The following HAT1 variants were observed in gnomAD, a reference collection of about 807,000 sequenced individuals.
The protein encoded by HAT1 is histone acetyltransferase 1, also known as histone acetyltransferase type B catalytic subunit.
A neutral mutation model predicts 56.6 loss-of-function variants in HAT1; 20 were observed. That is an observed-to-expected ratio of 0.35 (90% CI 0.25 to 0.51). The LOEUF (loss-of-function observed/expected upper bound fraction) is 0.51. HAT1 is among the 20% of genes least tolerant of loss of function. The pLI is 0.95. For missense variants in HAT1, 408 were observed against 504.3 expected, an observed-to-expected ratio of 0.81 and a Z score of 1.83; for synonymous variants, 146 against 165.5, an observed-to-expected ratio of 0.88 and a Z score of 0.91.
chr2:171,922,958 C>G (rs1417286341), intron 1 of HAT1: 1 of 163,020 alleles, frequency 6.1e-6, no homozygotes, highest in Non-Finnish European at 1.3e-5. Context: ...AACTTCTGAG[C>G]TAGCGCATTG....
intron 1 of HAT1, chr2:171,923,024 C>A (rs1686482277): frequency 6.5e-6 from 1 of 154,404 alleles, no homozygotes; most frequent in African/African-American, 2.4e-5. Flanking sequence ...TCGTAGTCGT[C>A]TCGTTAATCT....
At chr2:171,969,513 T>G (rs1346746450) in intron 8 of HAT1, among the ~76,000 whole-genome samples, 1 of 152,198 alleles carries the variant, frequency 6.6e-6, no homozygotes, top group African/African-American at 2.4e-5. Flanking sequence ...CATTGTAGAT[T>G]TAAATTCAAG....
In HAT1 at chr2:171,930,680, T is replaced by C. The variant is rs186253141; in HGVS notation, c.112+5039T>C. ...CCAAGGCTGGAGTAGAGTGGCGTGA[T>C]TGTGGCTCACTATAGCCTTGACTTC... On this transcript the variant is annotated intron_variant, in intron 2 of 10. Transcript: ENST00000264108. 1.6e-4 allele frequency among the ~76,000 whole-genome samples: 25 copies of C among 152,296 alleles called. No homozygotes were observed. In the East Asian group the frequency reaches 3.7e-3, roughly 22 times the overall value.
intron 2 of HAT1, among the ~76,000 whole-genome samples, chr2:171,935,515 C>CAAAAAAA (rs56220004): frequency 9.0e-5 from 5 of 55,646 alleles, no homozygotes; most frequent in Middle Eastern, 0.013. Context: ...AACTCCATCT[C>CAAAAAAA]AAAAAAAAAA....
At chr2:171,925,436 T>G in intron 1 of HAT1, 101 bp from the exon 2 acceptor site, 1 of 630,040 alleles carries the variant, frequency 1.6e-6, no homozygotes, top group Admixed American at 2.7e-5. Flanking sequence ...TCTATCAGCA[T>G]GTTTTAAATC....
intron 2 of HAT1, among the ~76,000 whole-genome samples, chr2:171,930,171 A>T (rs1323312841): frequency 1.3e-5 from 2 of 151,980 alleles, no homozygotes; most frequent in Non-Finnish European, 2.9e-5. Flanking sequence ...ATACTTTTTT[A>T]TTTATTTATT....
At chr2:171,954,436 A>G (rs529071624) in intron 4 of HAT1, among the ~76,000 whole-genome samples, 15 of 152,302 alleles carry the variant, frequency 9.8e-5, no homozygotes, top group African/African-American at 1.4e-4. Flanking sequence ...CTGTAATCCT[A>G]TCACTTTGGG....
At chr2:171,950,873 G>C (rs1415064890) in intron 3 of HAT1, among the ~76,000 whole-genome samples, 1 of 151,524 alleles carries the variant, frequency 6.6e-6, no homozygotes, top group East Asian at 2.0e-4. Flanking sequence ...TGAATGGTGC[G>C]ATCTCGGCTC....
chr2:171,937,450 T>C (rs560319193), intron 2 of HAT1, among the ~76,000 whole-genome samples: 1 of 152,138 alleles, frequency 6.6e-6, no homozygotes, highest in East Asian at 1.9e-4. Context: ...TTGCTGGTGA[T>C]AGTTGAAGCC....
At chr2:171,948,283 G>C (rs1280330032) in intron 3 of HAT1, among the ~76,000 whole-genome samples, 1 of 152,184 alleles carries the variant, frequency 6.6e-6, no homozygotes, top group East Asian at 1.9e-4. Flanking sequence ...GGAATGCAGT[G>C]GTGCTATCTC....
At chr2:171,944,543 A>G (rs1484050021) in intron 2 of HAT1, among the ~76,000 whole-genome samples, 1 of 152,192 alleles carries the variant, frequency 6.6e-6, no homozygotes, top group African/African-American at 2.4e-5. Flanking sequence ...TACCAAATGC[A>G]GATAGAAAGT....
At chr2:171,942,518 TG>T in intron 2 of HAT1, among the ~76,000 whole-genome samples, 1 of 152,372 alleles carries the variant, frequency 6.6e-6, no homozygotes, top group Non-Finnish European at 1.5e-5. Context: ...CATGATAACA[TG>T]TTTAATAATT....
chr2:171,965,670 G>A, intron 5 of HAT1, 117 bp from the exon 6 acceptor site: 1 of 1,076,700 alleles, frequency 9.3e-7, no homozygotes. Context: ...CTGTATCTAT[G>A]TTCACATCTT....
At chr2:171,952,485 A>G (rs1245498270) in intron 3 of HAT1, among the ~76,000 whole-genome samples, 2 of 152,200 alleles carry the variant, frequency 1.3e-5, no homozygotes, top group African/African-American at 4.8e-5. Flanking sequence ...GACTGGTCCA[A>G]GGCTTGGTAG....
chr2:171,960,457 G>C (rs1208576275), intron 4 of HAT1, among the ~76,000 whole-genome samples: 1 of 152,154 alleles, frequency 6.6e-6, no homozygotes. Flanking sequence ...AGATCATACT[G>C]CATAGATGGT....
At chr2:171,955,513 A>C (rs1315905065) in intron 4 of HAT1, among the ~76,000 whole-genome samples, 1 of 152,054 alleles carries the variant, frequency 6.6e-6, no homozygotes, top group Non-Finnish European at 1.5e-5. Context: ...TGGGGGGCTG[A>C]GGCAGGAGAA....
At chr2:171,939,107 A>G (rs1381220511) in intron 2 of HAT1, among the ~76,000 whole-genome samples, 1 of 152,138 alleles carries the variant, frequency 6.6e-6, no homozygotes, top group African/African-American at 2.4e-5. Context: ...CAGCACGGAT[A>G]AAGTCGATTC....
chr2:171,953,626 T>TAAAAA (rs587686867), intron 4 of HAT1, among the ~76,000 whole-genome samples: 4,282 of 83,786 alleles, frequency 0.051, 223 homozygotes, highest in Non-Finnish European at 0.062. Context: ...CCCTGTCTCT[T>TAAAAA]AAAAAAAAAA....
chr2:171,976,838 T>G (rs1236943714), intron 9 of HAT1, among the ~76,000 whole-genome samples: 1 of 152,206 alleles, frequency 6.6e-6, no homozygotes, highest in Non-Finnish European at 1.5e-5. Flanking sequence ...AAGGATGGCA[T>G]TTGATATAAA....
Sources: gnomAD v4.1 joint callset for allele counts (sites outside exome capture counted in the v4.1 genomes callset) on GRCh38, gnomAD v4.1.1 for gene constraint, MANE v1.5 for transcripts, NCBI Gene and HGNC (gene_info 2026-07-23, HGNC 2026-07-21) for gene names.